Variants in EPB41 observed in about 807,000 individuals in gnomAD.
The protein encoded by EPB41 is protein 4.1.
Under a neutral mutation model 108.0 loss-of-function variants are expected in EPB41, and 65 were observed. That is an observed-to-expected ratio of 0.60 (90% CI 0.49 to 0.74). The LOEUF (loss-of-function observed/expected upper bound fraction) is 0.74, where lower values mean the gene tolerates loss of function less well. EPB41 is among the 30% of genes least tolerant of loss of function. The pLI, the probability that EPB41 is intolerant of heterozygous loss-of-function variation, is 0.00. For missense variants in EPB41, 875 were observed against 1,037.0 expected (o/e 0.84, Z 2.15); for synonymous variants, 336 against 358.9 (o/e 0.94, Z 0.72).
chr1:29,017,702 A>G (rs973858046), intron 6 of EPB41, among the ~76,000 whole-genome samples: 1 of 152,196 alleles, frequency 6.6e-6, no homozygotes, highest in African/African-American at 2.4e-5. Flanking sequence ...CACACTTGGC[A>G]TAGCAATGTG....
intron 1 of EPB41, among the ~76,000 whole-genome samples, chr1:28,976,368 T>C (rs1264071519): frequency 6.6e-6 from 1 of 152,144 alleles, no homozygotes. Flanking sequence ...TTTTTTTATT[T>C]TTGAGAGATA....
chr1:29,039,123 A>G lies in EPB41; in HGVS notation c.1464-131A>G, dbSNP rs867120950. 297 of 1,011,306 alleles carry G rather than the reference A, an allele frequency of 2.9e-4. No individual in the cohort carries two copies. The Middle Eastern group carries it at 3.8e-3, about 13-fold the overall frequency. The allele number at this position is 1,011,306 out of a possible 1,614,324, so 62.6% of individuals were successfully genotyped here. A position where few individuals can be genotyped will look rare whatever the true frequency, so the allele number is the denominator to read the frequency against. On this transcript the variant is annotated intron_variant, in intron 10 of 20. Transcript: ENST00000343067. ...TAAAATAATGATTACTTGATTGAAA[A>G]TTTCTTAGTAACTATATGGAAACCC...
chr1:28,992,186 G>A (rs1251128215), intron 2 of EPB41, among the ~76,000 whole-genome samples: 1 of 152,170 alleles, frequency 6.6e-6, no homozygotes, highest in East Asian at 1.9e-4. Context: ...ATGAAAGATC[G>A]GAAGGAGTCT....
intron 1 of EPB41, among the ~76,000 whole-genome samples, chr1:28,923,059 A>G (rs566329187): frequency 1.7e-4 from 25 of 145,330 alleles, no homozygotes; most frequent in African/African-American, 5.4e-4. Context: ...ATAATCAGGT[A>G]TGTGTAATTA....
At chr1:28,955,726 G>A (rs927251152) in intron 1 of EPB41, among the ~76,000 whole-genome samples, 3 of 152,166 alleles carry the variant, frequency 2.0e-5, no homozygotes, top group Admixed American at 2.0e-4. Flanking sequence ...ATGACAGGTT[G>A]TGGAGAAGAT....
At chr1:28,915,488 A>G (rs2092566103) in intron 1 of EPB41, among the ~76,000 whole-genome samples, 1 of 151,508 alleles carries the variant, frequency 6.6e-6, no homozygotes, top group Non-Finnish European at 1.5e-5. Context: ...ATTCCTGGGG[A>G]GGTTTTGCCA....
At chr1:29,037,476 A>G (rs1639934369) in intron 10 of EPB41, among the ~76,000 whole-genome samples, 1 of 152,232 alleles carries the variant, frequency 6.6e-6, no homozygotes, top group Non-Finnish European at 1.5e-5. Flanking sequence ...AATATACTAC[A>G]AGATAGTTCT....
intron 1 of EPB41, among the ~76,000 whole-genome samples, chr1:28,976,716 T>TG (rs2095615933): frequency 1.8e-5 from 1 of 56,170 alleles, no homozygotes; most frequent in Non-Finnish European, 2.9e-5. Flanking sequence ...GTTGTAGCCC[T>TG]ATTCAGCTAG....
rs1481580014 is a variant in EPB41 at position 28,899,645 on chromosome 1, G to A, written c.-8+12435G>A. On this transcript the variant is annotated intron_variant, in intron 1 of 16. Coordinates refer to the EPB41 transcript ENST00000347529. ...ACTTGAAGACTTCCACAGATGCTGG[G>A]AAATAGGCCTAAAAGAGAAAACCTG... Among the ~76,000 whole-genome samples, 8 of 152,284 alleles carry A rather than the reference G, an allele frequency of 5.3e-5. No individual in the cohort carries two copies. In the East Asian group the frequency reaches 1.2e-3, roughly 22 times the overall value.
intron 1 of EPB41, among the ~76,000 whole-genome samples, chr1:28,952,683 A>G (rs2094781605): frequency 1.3e-5 from 2 of 152,196 alleles, no homozygotes; most frequent in African/African-American, 2.4e-5. Context: ...TGTAACCACA[A>G]TGATGGTGTT....
chr1:28,986,225 A>G (rs972071039), intron 1 of EPB41, among the ~76,000 whole-genome samples: 1 of 152,164 alleles, frequency 6.6e-6, no homozygotes, highest in Admixed American at 6.5e-5. Context: ...TGAGAAGACA[A>G]TGTAAATGCT....
intron 3 of EPB41, among the ~76,000 whole-genome samples, chr1:28,995,518 C>T (rs1249264652): frequency 6.6e-6 from 1 of 152,188 alleles, no homozygotes; most frequent in African/African-American, 2.4e-5. Context: ...GCTGAGATCA[C>T]ACCACTGCAC....
chr1:28,989,678 A>G (rs2095959980), intron 2 of EPB41, among the ~76,000 whole-genome samples: 2 of 152,208 alleles, frequency 1.3e-5, no homozygotes, highest in South Asian at 2.1e-4. Context: ...ATGTTCTGTA[A>G]TAGTTAAGAT....
intron 16 of EPB41, chr1:29,068,772 G>A (rs2151071654): frequency 1.6e-6 from 2 of 1,232,148 alleles, no homozygotes; most frequent in East Asian, 3.2e-5. Context: ...AAGAAAGGTT[G>A]GTGGGCCAGA....
intron 7 of EPB41, among the ~76,000 whole-genome samples, chr1:29,029,986 G>A (rs1572733583): frequency 6.6e-6 from 1 of 152,256 alleles, no homozygotes; most frequent in African/African-American, 2.4e-5. Flanking sequence ...AGAGGATATT[G>A]TAAATTACAC....
intron 1 of EPB41, among the ~76,000 whole-genome samples, chr1:28,978,620 TGTTTCCAGAGGAG>T (rs2095662704): frequency 6.6e-6 from 1 of 151,448 alleles, no homozygotes; most frequent in Admixed American, 6.6e-5. Flanking sequence ...TCTGTGAGGA[TGTTTCCAGAGGAG>T]ATTAGTGTGT....
At chr1:29,072,317 T>TA (rs1347366244) in intron 16 of EPB41, 1 of 152,172 alleles carries the variant, frequency 6.6e-6, no homozygotes, top group African/African-American at 2.4e-5. Flanking sequence ...GAAATAAAGA[T>TA]ACAAGAGTTT....
intron 1 of EPB41, among the ~76,000 whole-genome samples, chr1:28,961,646 T>C (rs1263532397): frequency 1.3e-5 from 2 of 152,224 alleles, no homozygotes; most frequent in Admixed American, 1.3e-4. Context: ...TGTCCTTCCA[T>C]GTGTGTGGGA....
Position 28,987,762 on chromosome 1 carries a change from G to T in EPB41, c.325G>T (p.Gly109Cys). The change falls in exon 2 of 21, where the codon GGT (glycine) becomes TGT (cysteine). Residue 109 changes from glycine to cysteine, a missense_variant. By Grantham distance (159) the Gly-to-Cys change is radical. This residue lies in a region of EPB41 where 353 missense variants were observed against 393.2 expected (regional missense o/e 0.90). Coordinates refer to ENST00000343067, the MANE Select transcript of EPB41 (RefSeq NM_001376013.1). ...GKEVESDKEK[G>C]EGGQKEIEFG... ...AGAAGTAGAGTCAGATAAAGAAAAA[G>T]GTGAAGGAGGTCAGAAAGAGATAGA... 6.2e-7 allele frequency: 1 copy of T among 1,614,162 alleles called. No individual in the cohort carries two copies.
Sources: gnomAD v4.1 joint callset for allele counts (sites outside exome capture counted in the v4.1 genomes callset) on GRCh38, gnomAD v4.1.1 for gene constraint, gnomAD v4.1.1 regional missense constraint, MANE v1.5 for transcripts, NCBI Gene and HGNC (gene_info 2026-07-23, HGNC 2026-07-21) for gene names.